ADGRV1: variants seen among roughly 807,000 people sequenced by gnomAD.
ADGRV1 encodes the protein adhesion G protein-coupled receptor V1.
In ADGRV1, 359 loss-of-function variants were observed where a neutral mutation model predicts 596.2. That is an observed-to-expected ratio of 0.60 (90% CI 0.55 to 0.66). ADGRV1 has a LOEUF of 0.66. Among genes scored for constraint, ADGRV1 ranks in the 30% least tolerant of loss-of-function variants. The pLI, the probability that ADGRV1 is intolerant of heterozygous loss-of-function variation, is 0.00. For missense variants in ADGRV1, 7,274 were observed against 7,575.6 expected, an observed-to-expected ratio of 0.96 and a Z score of 1.48; for synonymous variants, 2,681 against 2,679.2, an observed-to-expected ratio of 1.00 and a Z score of -0.02.
intron 83 of ADGRV1, among the ~76,000 whole-genome samples, chr5:90,893,597 T>G (rs1416824574): frequency 6.6e-6 from 1 of 152,186 alleles, no homozygotes; most frequent in African/African-American, 2.4e-5. Context: ...ATCCATTTGC[T>G]TATAATTTAT....
Position 90,778,552 on chromosome 5 carries a change from T to C in ADGRV1, c.12792T>C (p.Ser4264=). Residue 4264 remains serine, a synonymous_variant, in exon 63 of 90, where the codon TCT becomes TCC. Transcript: ENST00000405460. ...ACATCACGGTGGTGGCCAGCGACTC[T>C]CCCTATGGCCGATTTGCCTTTTCAC... ...TANITVVASD[S]PYGRFAFSHE... 6.2e-7 allele frequency: 1 copy of C among 1,611,518 alleles called. No homozygotes were observed. Among genetic ancestry groups the C allele is most frequent in the Admixed American group, 1.7e-5 (1 of 59,752 alleles).
intron 45 of ADGRV1, among the ~76,000 whole-genome samples, chr5:90,721,520 A>T (rs371156993): frequency 0.048 from 1,972 of 40,990 alleles, 93 homozygotes; most frequent in Admixed American, 0.078. Flanking sequence ...AAAATAAAAT[A>T]AAATAAAAAT....
At chr5:90,930,078 T>A (rs536944266) in intron 83 of ADGRV1, among the ~76,000 whole-genome samples, 77 of 152,342 alleles carry the variant, frequency 5.1e-4, no homozygotes, top group African/African-American at 1.8e-3. Context: ...AAACATCTTC[T>A]TTTTGTTGTT....
At chr5:90,575,704 T>C (rs1031217675) in intron 1 of ADGRV1, among the ~76,000 whole-genome samples, 4 of 152,150 alleles carry the variant, frequency 2.6e-5, no homozygotes, top group Non-Finnish European at 4.4e-5. Flanking sequence ...ACTTTGACCA[T>C]GAGAGGCAGA....
intron 19 of ADGRV1, 33 bp from the exon 20 acceptor site, chr5:90,653,176 C>G: frequency 6.5e-7 from 1 of 1,532,122 alleles, no homozygotes; most frequent in East Asian, 2.3e-5. Context: ...ACTTGAAATT[C>G]TAGTTTCTCA....
At chr5:90,974,830 C>A (rs1358848203) in intron 84 of ADGRV1, among the ~76,000 whole-genome samples, 1 of 152,044 alleles carries the variant, frequency 6.6e-6, no homozygotes, top group Non-Finnish European at 1.5e-5. Flanking sequence ...CAATGGCAAC[C>A]AAAGCCGAAA....
chr5:91,068,478 A>G (rs1387378195), intron 85 of ADGRV1, among the ~76,000 whole-genome samples: 2 of 151,992 alleles, frequency 1.3e-5, no homozygotes, highest in African/African-American at 2.4e-5. Flanking sequence ...CAAAAAAAAA[A>G]AAGAACTAGT....
At chr5:91,087,408 T>C (rs552483415) in intron 86 of ADGRV1, among the ~76,000 whole-genome samples, 2 of 152,070 alleles carry the variant, frequency 1.3e-5, no homozygotes, top group Admixed American at 1.3e-4. Context: ...GCGATTCTCC[T>C]GCCTCAGCCT....
intron 87 of ADGRV1, among the ~76,000 whole-genome samples, chr5:91,112,655 T>C (rs1457584003): frequency 1.6e-4 from 24 of 152,216 alleles, no homozygotes. Flanking sequence ...CTCTCTCATA[T>C]TACTCAAATG....
chr5:90,834,322 G>A (rs577573195), intron 77 of ADGRV1, among the ~76,000 whole-genome samples: 2 of 152,210 alleles, frequency 1.3e-5, no homozygotes, highest in African/African-American at 4.8e-5. Context: ...TTTCTTGTAG[G>A]ATAGGACTGG....
At position 90,642,921 on chromosome 5, in the gene ADGRV1, C is replaced by G; in HGVS notation, c.2433C>G (p.His811Gln). The change falls in exon 13 of 90, where the codon CAC becomes CAG. Residue 811 changes from histidine to glutamine, a missense_variant. His to Gln is a conservative substitution (Grantham distance 24, BLOSUM62 0). Coordinates refer to ENST00000405460, the MANE Select transcript of ADGRV1 (RefSeq NM_032119.4). Reference sequence around the variant, plus strand: ...GGTCCCTTGTTAAGCAGTTTCTACACTACCGAGTAGAGCCAAGAGATAGCA... The same window carrying G: ...GGTCCCTTGTTAAGCAGTTTCTACAGTACCGAGTAGAGCCAAGAGATAGCA... ...SRGSLVKQFL[H>Q]YRVEPRDSNE... 6.2e-7 allele frequency: 1 copy of G among 1,613,298 alleles called. No homozygotes were observed. The highest frequency in any genetic ancestry group is 8.5e-7 in the Non-Finnish European group (1 of 1,179,506).
chr5:90,987,401 C>T (rs983862694), intron 85 of ADGRV1, among the ~76,000 whole-genome samples: 3 of 142,236 alleles, frequency 2.1e-5, no homozygotes, highest in African/African-American at 8.0e-5. Context: ...ACCCAGGAGG[C>T]GGAAGTTGCA....
At chr5:90,660,040 AAAAG>A (rs1262381087) in intron 21 of ADGRV1, among the ~76,000 whole-genome samples, 1 of 152,112 alleles carries the variant, frequency 6.6e-6, no homozygotes, top group Non-Finnish European at 1.5e-5. Flanking sequence ...GAGAAAAAAA[AAAAG>A]AAAAAGAAAA....
intron 83 of ADGRV1, among the ~76,000 whole-genome samples, chr5:90,901,745 T>C (rs1381752689): frequency 1.3e-5 from 2 of 152,128 alleles, no homozygotes; most frequent in Non-Finnish European, 2.9e-5. Flanking sequence ...CTCAACAGTT[T>C]GGTATATAGT....
chr5:91,013,095 A>G (rs1782857170), intron 85 of ADGRV1, among the ~76,000 whole-genome samples: 1 of 152,074 alleles, frequency 6.6e-6, no homozygotes, highest in Non-Finnish European at 1.5e-5. Flanking sequence ...TCCATGGTGT[A>G]TATGTATCAC....
rs760743380 is a variant in ADGRV1, at chr5:90,645,980, A to G, written c.2911A>G (p.Met971Val). ...ACATTTTCCAAAGATTCCAGAAGAA[A>G]TGGAAGAATTTACCGTTATCCTACT... The part of the protein sequence containing the change: ...YSLPDEIPEE[M>V]EEFTVILLNG... The change falls in exon 16 of 90, where the codon ATG becomes GTG. Residue 971 changes from methionine (M) to valine (V), a missense_variant. Physicochemically the swap from Met to Val is conservative, Grantham distance 21. Around this residue, in one of 5 missense-constraint regions of ADGRV1, gnomAD observed 1,715 missense variants for 1,708.8 expected, o/e 1.00. Coordinates refer to ENST00000405460, the MANE Select transcript of ADGRV1 (RefSeq NM_032119.4). 2 of 1,591,404 alleles carry G rather than the reference A, an allele frequency of 1.3e-6. No homozygotes were observed. The highest frequency in any genetic ancestry group is 1.7e-6 in the Non-Finnish European group (2 of 1,168,372).
At chr5:90,595,243 G>A (rs1387010993) in intron 1 of ADGRV1, among the ~76,000 whole-genome samples, 107 of 26,668 alleles carry the variant, frequency 4.0e-3, no homozygotes, top group Non-Finnish European at 5.4e-3. Flanking sequence ...CGGACGGGGC[G>A]GCTGGCCGGG....
At chr5:90,967,640 T>A (rs897566205) in intron 84 of ADGRV1, among the ~76,000 whole-genome samples, 2 of 152,126 alleles carry the variant, frequency 1.3e-5, no homozygotes, top group Non-Finnish European at 1.5e-5. Context: ...ACACAGGAAA[T>A]TGCTTATCAG....
chr5:91,127,503 A>C (rs1793864023), intron 87 of ADGRV1, among the ~76,000 whole-genome samples: 1 of 143,284 alleles, frequency 7.0e-6, no homozygotes, highest in Non-Finnish European at 1.5e-5. Context: ...CTGCCACTGC[A>C]CTCCTGTCTT....
Sources: allele counts gnomAD v4.1 joint callset (sites outside exome capture counted in the v4.1 genomes callset), GRCh38; gene constraint gnomAD v4.1.1; regional missense constraint gnomAD v4.1.1; transcripts MANE v1.5; gene names NCBI Gene and HGNC (gene_info 2026-07-23, HGNC 2026-07-21).